Variants in AGT observed in about 807,000 individuals in gnomAD.
AGT encodes the protein angiotensinogen.
AGT carries 26 observed loss-of-function variants against 28.1 expected under a neutral mutation model. The ratio of observed to expected loss-of-function variants is 0.92; its 90% CI spans 0.68 to 1.28. AGT has a LOEUF of 1.28. AGT is among the 50% of genes most tolerant of loss of function. The pLI is 0.00. For synonymous variants in AGT, 259 were observed against 259.6 expected, an observed-to-expected ratio of 1.00 and a Z score of 0.02; for missense variants, 596 against 592.3, an observed-to-expected ratio of 1.01 and a Z score of -0.06.
chr1:230,742,211 T>A (rs1467634789), intron 1 of AGT, among the ~76,000 whole-genome samples: 1 of 152,192 alleles, frequency 6.6e-6, no homozygotes, highest in African/African-American at 2.4e-5. Context: ...TAGATCTTTG[T>A]GTAGTTTCCG....
At chr1:230,729,841 C>T (rs12090497) in intron 1 of AGT, among the ~76,000 whole-genome samples, 1,662 of 152,160 alleles carry the variant, frequency 0.011, 28 homozygotes, top group African/African-American at 0.038. Context: ...TCTTCTCTAA[C>T]CTGTCTTCTC....
chr1:230,718,159 G>T (rs9804153), upstream of AGT, among the ~76,000 whole-genome samples: 30,191 of 151,994 alleles, frequency 0.2, 4,128 homozygotes, highest in East Asian at 0.49. Context: ...TGCCCAGGCT[G>T]ATCTTGAACT....
chr1:230,735,283 CCTT>C (rs1162258974), intron 1 of AGT, among the ~76,000 whole-genome samples: 4 of 152,280 alleles, frequency 2.6e-5, no homozygotes, highest in African/African-American at 9.6e-5. Context: ...TGCTGTTTCT[CCTT>C]CTTCCTTCTC....
intron 1 of AGT, among the ~76,000 whole-genome samples, chr1:230,736,308 G>T (rs1320550089): frequency 6.6e-6 from 1 of 152,076 alleles, no homozygotes; most frequent in African/African-American, 2.4e-5. Flanking sequence ...CAGATCATGA[G>T]GTCGGGAGAT....
In AGT at chr1:230,705,951, A is replaced by T; in HGVS notation, c.1079T>A (p.Met360Lys). Residue 360 changes from methionine to lysine, a missense_variant, in exon 3 of 5, where the codon ATG (methionine) becomes AAG (lysine). Transcript: ENST00000366667. ...CTCCTACCGGGGAGATAGTTTCTTCATCCAGTTGAGGGAGTTTTGCTGGAA... is the reference window on the plus strand; with the variant it reads ...CTCCTACCGGGGAGATAGTTTCTTCTTCCAGTTGAGGGAGTTTTGCTGGAA... ...LTFQQNSLNW[M>K]KKLSPRTIHL... The T allele has an allele frequency of 1.2e-6, 2 of 1,614,180 alleles. No individual in the cohort carries two copies. The highest frequency in any genetic ancestry group is 1.7e-6 in the Non-Finnish European group (2 of 1,180,020).
intron 1 of AGT, among the ~76,000 whole-genome samples, chr1:230,744,036 C>T (rs1251041245): frequency 6.6e-6 from 1 of 152,190 alleles, no homozygotes; most frequent in Non-Finnish European, 1.5e-5. Flanking sequence ...ATGCATGGCC[C>T]CCGCTTGGCT....
upstream of AGT, among the ~76,000 whole-genome samples, chr1:230,717,970 T>C (rs1663770136): frequency 6.6e-6 from 1 of 152,088 alleles, no homozygotes; most frequent in African/African-American, 2.4e-5. Flanking sequence ...TGTATTTTTG[T>C]GTGTTGTTTT....
rs760807040 is a variant in AGT, at chr1:230,703,258, G to C, written c.1314C>G (p.Asn438Lys). ...GGGTCACCTCCAAGACCTCAGGCTT[G>C]TTAAGCTGTTGGGTAGACTCTGTGG... ...REPTESTQQL[N>K]KPEVLEVTLN... The change falls in exon 5 of 5, where the codon AAC (asparagine) becomes AAG (lysine). Residue 438 changes from asparagine (N) to lysine (K), a missense_variant. Physicochemically the swap from Asn to Lys is moderately conservative, Grantham distance 94. Transcript: ENST00000366667. 4 of 1,614,106 alleles carry C rather than the reference G, an allele frequency of 2.5e-6. No homozygotes were observed. The highest frequency in any genetic ancestry group is 3.4e-6 in the Non-Finnish European group (4 of 1,180,060).
rs1225118391 is a variant in AGT, at chr1:230,710,637, T to C, written c.187A>G (p.Ile63Val). ...PKDPTFIPAP[I>V]QAKTSPVDEK... ...TCCACAGGGGATGTCTTGGCCTGAATTGGAGCAGGTATGAAGGTGGGGTCT... is the reference window on the plus strand; with the variant it reads ...TCCACAGGGGATGTCTTGGCCTGAACTGGAGCAGGTATGAAGGTGGGGTCT... The change falls in exon 2 of 5, where the codon ATT (isoleucine) becomes GTT (valine). Residue 63 changes from isoleucine (I) to valine (V), a missense_variant. Transcript: ENST00000366667. 2 of 1,614,238 alleles carry C rather than the reference T, an allele frequency of 1.2e-6. No homozygotes were observed. The highest frequency in any genetic ancestry group is 1.1e-5 in the South Asian group (1 of 91,084).
In AGT at chr1:230,710,836, T is replaced by G. The variant is rs1571977538; in HGVS notation, c.-13A>C. 1 of 1,613,554 alleles carries G rather than the reference T, an allele frequency of 6.2e-7. No homozygotes were observed. The highest frequency in any genetic ancestry group is 8.5e-7 in the Non-Finnish European group (1 of 1,180,026). ...CGGCAGGAGCCATCTCAGACTGGGG[T>G]GCTCGCTTCCGCATACCCTGAAATA... On this transcript the variant is annotated 5_prime_UTR_variant, in exon 2 of 5. Transcript: ENST00000366667.
intron 1 of AGT, among the ~76,000 whole-genome samples, chr1:230,711,430 C>G (rs769310283): frequency 2.6e-5 from 4 of 152,136 alleles, no homozygotes; most frequent in Non-Finnish European, 4.4e-5. Context: ...TTGTTAAACC[C>G]TCCCAGTCTG....
upstream of AGT, among the ~76,000 whole-genome samples, chr1:230,718,400 G>T (rs1447740518): frequency 2.6e-5 from 4 of 152,210 alleles, no homozygotes; most frequent in East Asian, 7.7e-4. Context: ...GACACGTAAA[G>T]TCTACTCTTT....
At chr1:230,712,653 T>A (rs965960229) in intron 1 of AGT, among the ~76,000 whole-genome samples, 1 of 152,236 alleles carries the variant, frequency 6.6e-6, no homozygotes, top group Non-Finnish European at 1.5e-5. Flanking sequence ...CGCTGGTCGA[T>A]GCAGCCCGCT....
At chr1:230,727,287 C>G (rs1663960770) in intron 1 of AGT, among the ~76,000 whole-genome samples, 1 of 152,330 alleles carries the variant, frequency 6.6e-6, no homozygotes, top group African/African-American at 2.4e-5. Context: ...TATGCCTTAA[C>G]CCATGGGTGG....
intron 1 of AGT, among the ~76,000 whole-genome samples, chr1:230,712,018 T>C (rs970182056): frequency 2.4e-4 from 36 of 152,164 alleles, no homozygotes; most frequent in African/African-American, 8.7e-4. Context: ...ATTCATTTCA[T>C]CTGACTCTTC....
upstream of AGT, among the ~76,000 whole-genome samples, chr1:230,718,629 A>G (rs1663785594): frequency 6.6e-6 from 1 of 151,212 alleles, no homozygotes; most frequent in East Asian, 1.9e-4. Context: ...AAATGAGGTC[A>G]TGCAGTATTT....
Position 230,702,852 on chromosome 1 carries a change from C to T in AGT, c.*289G>A, listed in dbSNP as rs1433150594. The T allele has an allele frequency of 2.1e-5, 9 of 435,910 alleles. No homozygotes were observed. Among genetic ancestry groups the T allele is most frequent in the Middle Eastern group, 6.0e-4 (1 of 1,658 alleles). 27.0% of individuals were successfully genotyped at this position (435,910 alleles called of 1,614,324 possible). A position where few individuals can be genotyped will look rare whatever the true frequency, so the allele number is the denominator to read the frequency against. On this transcript the variant is annotated 3_prime_UTR_variant, in exon 5 of 5. Transcript: ENST00000366667. Reference sequence around the variant, plus strand: ...GGAATTCTTTTTGGAACAGTAGTCCCGCGCTAAACACTGGTTCTTGCCTCC... The same window carrying T: ...GGAATTCTTTTTGGAACAGTAGTCCTGCGCTAAACACTGGTTCTTGCCTCC...
intron 1 of AGT, among the ~76,000 whole-genome samples, chr1:230,732,772 T>G (rs1664090086): frequency 6.6e-6 from 1 of 152,182 alleles, no homozygotes; most frequent in Admixed American, 6.5e-5. Context: ...CATCTTCAGG[T>G]TGAGTAGGCT....
chr1:230,704,616 C>T (rs1033707703), intron 3 of AGT, among the ~76,000 whole-genome samples: 1 of 152,230 alleles, frequency 6.6e-6, no homozygotes, highest in African/African-American at 2.4e-5. Context: ...TTTAGGTTGG[C>T]TGCATTGAAG....
Sources: gnomAD v4.1 joint callset for allele counts (sites outside exome capture counted in the v4.1 genomes callset) on GRCh38, gnomAD v4.1.1 for gene constraint, MANE v1.5 for transcripts, NCBI Gene and HGNC (gene_info 2026-07-23, HGNC 2026-07-21) for gene names.